HSPA12A: variants seen among roughly 807,000 people sequenced by gnomAD.
HSPA12A encodes the protein heat shock protein family A (Hsp70) member 12A.
HSPA12A carries 28 observed loss-of-function variants against 69.2 expected under a neutral mutation model. That is an observed-to-expected ratio of 0.40 (90% CI 0.30 to 0.55). The LOEUF is 0.55. Ranked by LOEUF, HSPA12A falls within the 20% of genes least tolerant of loss-of-function variation. The pLI, the probability that HSPA12A is intolerant of heterozygous loss-of-function variation, is 0.38. For synonymous variants in HSPA12A, 345 were observed against 370.5 expected (o/e 0.93, Z 0.79); for missense variants, 686 against 900.7 (o/e 0.76, Z 3.05).
chr10:116,725,293 C>T (rs7081130), intron 1 of HSPA12A, among the ~76,000 whole-genome samples: 4,125 of 152,280 alleles, frequency 0.027, 198 homozygotes, highest in African/African-American at 0.094. Context: ...AATCCTGCCA[C>T]CCTGTAGGGT....
At chr10:116,812,790 G>A (rs1230339630) in intron 2 of HSPA12A, among the ~76,000 whole-genome samples, 3 of 152,170 alleles carry the variant, frequency 2.0e-5, no homozygotes, top group African/African-American at 7.2e-5. Context: ...GAAGGACCCA[G>A]GCCAGGGTCG....
rs1367712490 is a variant in HSPA12A, at chr10:116,710,633, G to C, written c.41-3348C>G. Reference sequence around the variant, plus strand: ...GGCCTAGAGGCAGCCGAACTTCATGGACTTTTTCCATCAGAAGTTAAAATT... The same window carrying C: ...GGCCTAGAGGCAGCCGAACTTCATGCACTTTTTCCATCAGAAGTTAAAATT... On this transcript the variant is annotated intron_variant, in intron 1 of 11. Coordinates refer to ENST00000369209, the MANE Select transcript of HSPA12A (RefSeq NM_025015.3). The surrounding 1 kb of genome is among the most constrained non-coding windows in gnomAD (Gnocchi z 4.1). Among the ~76,000 whole-genome samples, 2 of 152,176 alleles carry C rather than the reference G, an allele frequency of 1.3e-5. No homozygotes were observed. The highest frequency in any genetic ancestry group is 4.8e-5 in the African/African-American group (2 of 41,446).
intron 1 of HSPA12A, among the ~76,000 whole-genome samples, chr10:116,735,690 T>C (rs1851293913): frequency 6.6e-6 from 1 of 152,044 alleles, no homozygotes; most frequent in South Asian, 2.1e-4. Flanking sequence ...GCCCAGAGAA[T>C]CATAAGCCAT....
Position 116,672,271 on chromosome 10 carries a change from G to A in HSPA12A, c.*2510C>T, listed in dbSNP as rs1213538209. On this transcript the variant is annotated 3_prime_UTR_variant, in exon 12 of 12. Coordinates refer to ENST00000369209, the MANE Select transcript of HSPA12A (RefSeq NM_025015.3). ...CAGAGTGACTGCTCCGACCCGGAAG[G>A]AGAGGTCAACGACCCCTCAGGACAC... 2 of 152,326 alleles carry A rather than the reference G, an allele frequency of 1.3e-5. No individual in the cohort carries two copies. The highest frequency in any genetic ancestry group is 4.1e-4 in the South Asian group (2 of 4,824). 9.4% of individuals were successfully genotyped at this position (152,326 alleles called of 1,614,324 possible). A position where few individuals can be genotyped will look rare whatever the true frequency, so the allele number is the denominator to read the frequency against.
chr10:116,749,389 G>T (rs1374836241), intron 2 of HSPA12A, among the ~76,000 whole-genome samples: 2 of 152,076 alleles, frequency 1.3e-5, no homozygotes, highest in Non-Finnish European at 2.9e-5. Context: ...GTAGATGAGA[G>T]AACTATATTG....
At chr10:116,777,967 C>T (rs1175050740) in intron 2 of HSPA12A, among the ~76,000 whole-genome samples, 1 of 152,124 alleles carries the variant, frequency 6.6e-6, no homozygotes, top group Non-Finnish European at 1.5e-5. Context: ...ACCTCATGAT[C>T]CGCCCGCCTC....
intron 2 of HSPA12A, among the ~76,000 whole-genome samples, chr10:116,706,810 A>T (rs1257961518): frequency 6.6e-6 from 1 of 152,184 alleles, no homozygotes; most frequent in Non-Finnish European, 1.5e-5. Context: ...ACCGCAGTCA[A>T]CAGAGTCCAT....
chr10:116,825,101 C>T (rs1263728310), intron 2 of HSPA12A, among the ~76,000 whole-genome samples: 1 of 151,238 alleles, frequency 6.6e-6, no homozygotes. Flanking sequence ...GTGGGGGAAT[C>T]ACTTGGGCCT....
chr10:116,685,494 A>G (rs1417576883), intron 6 of HSPA12A, among the ~76,000 whole-genome samples: 1 of 151,622 alleles, frequency 6.6e-6, no homozygotes, highest in East Asian at 1.9e-4. Flanking sequence ...ATAGCTGGGC[A>G]TGGTGGGGGC....
chr10:116,825,384 G>A (rs1443890628), intron 2 of HSPA12A, among the ~76,000 whole-genome samples: 1 of 151,858 alleles, frequency 6.6e-6, no homozygotes, highest in Non-Finnish European at 1.5e-5. Flanking sequence ...GGTGGCTCGT[G>A]CCTGTAGTCT....
chr10:116,834,694 G>A (rs1845678564), intron 2 of HSPA12A, among the ~76,000 whole-genome samples: 1 of 152,142 alleles, frequency 6.6e-6, no homozygotes, highest in South Asian at 2.1e-4. Context: ...CTTTGGATAG[G>A]TGGGAAACGA....
At chr10:116,730,223 CAT>C (rs1219889009) in intron 1 of HSPA12A, among the ~76,000 whole-genome samples, 29 of 152,286 alleles carry the variant, frequency 1.9e-4, no homozygotes, top group Non-Finnish European at 2.4e-4. Context: ...ATTGACTGCA[CAT>C]GTTTTATGTG....
chr10:116,699,525 C>G (rs3010488), intron 4 of HSPA12A, among the ~76,000 whole-genome samples: 1 of 151,922 alleles, frequency 6.6e-6, no homozygotes, highest in Non-Finnish European at 1.5e-5. Flanking sequence ...TCCAGATTGT[C>G]CCAGGCTGGG....
intron 2 of HSPA12A, among the ~76,000 whole-genome samples, chr10:116,782,542 C>T (rs935449974): frequency 6.6e-6 from 1 of 152,096 alleles, no homozygotes; most frequent in Non-Finnish European, 1.5e-5. Flanking sequence ...TACAGGTACA[C>T]CCAGCAACAA....
chr10:116,742,571 C>A (rs1554887372), upstream of HSPA12A: 9 of 1,145,154 alleles, frequency 7.9e-6, no homozygotes, highest in South Asian at 4.2e-5. Context: ...GTGTCTGAGC[C>A]GCCGGGCAGC....
At chr10:116,792,784 C>T (rs1426481723) in intron 2 of HSPA12A, among the ~76,000 whole-genome samples, 3 of 150,032 alleles carry the variant, frequency 2.0e-5, no homozygotes, top group Non-Finnish European at 4.4e-5. Flanking sequence ...GAGTAAGACC[C>T]TGTCTCAAAA....
At chr10:116,688,751 C>T (rs1268651207) in intron 6 of HSPA12A, among the ~76,000 whole-genome samples, 1 of 152,194 alleles carries the variant, frequency 6.6e-6, no homozygotes, top group African/African-American at 2.4e-5. Flanking sequence ...ATGAGAGGAT[C>T]ATACATATGG....
intron 6 of HSPA12A, among the ~76,000 whole-genome samples, chr10:116,684,409 T>C (rs1467089293): frequency 6.6e-6 from 1 of 152,154 alleles, no homozygotes; most frequent in Admixed American, 6.5e-5. Context: ...TCAGTTGTAA[T>C]ATACCACACG....
chr10:116,762,978 C>A (rs914177578), intron 2 of HSPA12A, among the ~76,000 whole-genome samples: 3 of 152,162 alleles, frequency 2.0e-5, no homozygotes, highest in African/African-American at 7.2e-5. Context: ...CTCTCTTTTC[C>A]TCCTCTAAGG....
Sources: gnomAD v4.1 joint callset for allele counts (sites outside exome capture counted in the v4.1 genomes callset) on GRCh38, gnomAD v4.1.1 for gene constraint, Gnocchi (gnomAD v3.1) non-coding constraint, MANE v1.5 for transcripts, NCBI Gene and HGNC (gene_info 2026-07-23, HGNC 2026-07-21) for gene names.